The following KAZN variants were observed in gnomAD, a reference collection of about 807,000 sequenced individuals.
KAZN encodes the protein kazrin.
Under a neutral mutation model 87.4 loss-of-function variants are expected in KAZN, and 40 were observed. That is an observed-to-expected ratio of 0.46 (90% confidence interval 0.36 to 0.60). KAZN has a LOEUF of 0.60. Ranked by LOEUF, KAZN falls within the 20% of genes least tolerant of loss-of-function variation. The pLI is 0.00. For synonymous variants in KAZN, 466 were observed against 458.3 expected (o/e 1.02, Z -0.22); for missense variants, 898 against 1,073.9 (o/e 0.84, Z 2.29).
At chr1:14,345,287 A>G (rs1049215856) in intron 2 of KAZN, among the ~76,000 whole-genome samples, 5 of 152,214 alleles carry the variant, frequency 3.3e-5, no homozygotes, top group African/African-American at 1.2e-4. Flanking sequence ...TAGCAGCGTC[A>G]GCATCAGCTG....
intron 1 of KAZN, among the ~76,000 whole-genome samples, chr1:14,622,473 G>A (rs1273849190): frequency 1.1e-4 from 16 of 151,678 alleles, no homozygotes; most frequent in South Asian, 4.2e-4. Context: ...GGCGGATCAC[G>A]AGGTCAGGAG....
intron 2 of KAZN, among the ~76,000 whole-genome samples, chr1:14,289,171 G>A (rs1198644198): frequency 2.6e-5 from 4 of 152,224 alleles, no homozygotes; most frequent in Non-Finnish European, 2.9e-5. Context: ...GATTGGGGTG[G>A]AGAGTTCTGT....
In KAZN at chr1:13,995,072, C is replaced by T. The variant is rs538749016; in HGVS notation, c.91+101316C>T. Reference sequence around the variant, plus strand: ...GCTGACTCAGAGTAGGAGAATATTCCGTTAATCCAACAAAGATCTACAAAA... The same window carrying T: ...GCTGACTCAGAGTAGGAGAATATTCTGTTAATCCAACAAAGATCTACAAAA... On this transcript the variant is annotated intron_variant, in intron 1 of 16. Transcript: ENST00000636203. Among the ~76,000 whole-genome samples, 19 of 151,996 alleles carry T rather than the reference C, an allele frequency of 1.3e-4. No individual in the cohort carries two copies. In the East Asian group the frequency reaches 2.3e-3, roughly 19 times the overall value.
intron 1 of KAZN, among the ~76,000 whole-genome samples, chr1:13,932,727 C>A (rs929483158): frequency 7.9e-5 from 12 of 152,146 alleles, no homozygotes; most frequent in Non-Finnish European, 1.6e-4. Flanking sequence ...CTGGCTTGGG[C>A]CGGAGCTCAC....
At chr1:14,377,001 C>T (rs1220380468) in intron 2 of KAZN, among the ~76,000 whole-genome samples, 2 of 152,166 alleles carry the variant, frequency 1.3e-5, no homozygotes, top group South Asian at 2.1e-4. Context: ...TTCCTATCAG[C>T]CAGACATTTG....
intron 2 of KAZN, among the ~76,000 whole-genome samples, chr1:14,207,421 C>G (rs567566560): frequency 6.6e-6 from 1 of 152,084 alleles, no homozygotes; most frequent in South Asian, 2.1e-4. Context: ...CCTCCCAACC[C>G]GAGCATCATG....
chr1:15,094,825 G>T lies in KAZN; in HGVS notation c.1439G>T (p.Ser480Ile). 1 of 1,550,032 alleles carries T rather than the reference G, an allele frequency of 6.5e-7. No individual in the cohort carries two copies. The highest frequency in any genetic ancestry group is 8.7e-7 in the Non-Finnish European group (1 of 1,146,322). Residue 480 changes from serine (S) to isoleucine (I), a missense_variant, in exon 10 of 15, where the codon AGC (serine) becomes ATC (isoleucine). This residue lies in a region of KAZN where 521 missense variants were observed against 689.4 expected (regional missense o/e 0.76). Coordinates refer to ENST00000376030, the MANE Select transcript of KAZN (RefSeq NM_201628.3). This position sits in a 1 kb window ranked among gnomAD's most constrained non-coding sequence, Gnocchi z 4.5. ...CCCTCCCGGGGGCAGGTGCTGCTGA[G>T]CCTGAGTGACGAGGACCTGCAGCTG... ...ENVKSGKVLL[S>I]LSDEDLQLGL...
intron 1 of KAZN, among the ~76,000 whole-genome samples, chr1:14,849,630 A>G (rs946953355): frequency 2.0e-5 from 3 of 152,198 alleles, no homozygotes; most frequent in African/African-American, 7.2e-5. Flanking sequence ...CTGAATTGGT[A>G]CCTAGCCTTC....
At chr1:14,867,190 A>C (rs1452433777) in intron 1 of KAZN, among the ~76,000 whole-genome samples, 2 of 152,124 alleles carry the variant, frequency 1.3e-5, no homozygotes, top group African/African-American at 4.8e-5. Context: ...CCCTGTGATC[A>C]ATGGAGCGTG....
chr1:14,581,972 T>G (rs1675583624), intron 2 of KAZN, among the ~76,000 whole-genome samples: 1 of 152,136 alleles, frequency 6.6e-6, no homozygotes, highest in Admixed American at 6.5e-5. Flanking sequence ...TACATTTGTA[T>G]GTAGGCATGT....
At chr1:14,732,008 GGTCAGCTGTGGGAA>G (rs1643698209) in intron 1 of KAZN, among the ~76,000 whole-genome samples, 2 of 152,364 alleles carry the variant, frequency 1.3e-5, no homozygotes, top group Non-Finnish European at 2.9e-5. Context: ...GCTGCAGTGA[GGTCAGCTGTGGGAA>G]GTCAGCTGTG....
chr1:14,845,555 G>GTGGGTGGA (rs1314837769), intron 1 of KAZN, among the ~76,000 whole-genome samples: 19 of 140,430 alleles, frequency 1.4e-4, no homozygotes, highest in African/African-American at 5.4e-4. Flanking sequence ...GCATAGATGG[G>GTGGGTGGA]TGGGTGGATG....
chr1:14,438,988 C>G (rs1288869580), intron 2 of KAZN, among the ~76,000 whole-genome samples: 1 of 152,220 alleles, frequency 6.6e-6, no homozygotes, highest in Non-Finnish European at 1.5e-5. Flanking sequence ...TATTGCGTCT[C>G]CATTCTAACA....
intron 1 of KAZN, among the ~76,000 whole-genome samples, chr1:14,000,575 C>T (rs1291578752): frequency 6.6e-6 from 1 of 152,148 alleles, no homozygotes; most frequent in Non-Finnish European, 1.5e-5. Flanking sequence ...CTATTTATGA[C>T]AAACCCACAA....
At chr1:14,749,565 C>G (rs886463112) in intron 1 of KAZN, among the ~76,000 whole-genome samples, 2 of 152,174 alleles carry the variant, frequency 1.3e-5, no homozygotes, top group African/African-American at 4.8e-5. Context: ...AACCATGATG[C>G]AGCTTGCTCC....
In KAZN at chr1:14,259,054, C is replaced by T. The variant is rs575359102; in HGVS notation, c.249+78462C>T. The stretch of plus-strand genomic sequence containing the variant: ...TCTGTCAGGTTATTGACATGTCCAA[C>T]GAGCTGCGGGACAGATGAACAAAGG... On this transcript the variant is annotated intron_variant, in intron 2 of 16. Coordinates refer to the KAZN transcript ENST00000636203. Among the ~76,000 whole-genome samples the T allele has an allele frequency of 2.4e-4, 36 of 152,144 alleles. 1 individual carries two copies. The South Asian group carries it at 7.1e-3, about 30-fold the overall frequency.
At chr1:14,023,881 A>G (rs1640955697) in intron 1 of KAZN, among the ~76,000 whole-genome samples, 1 of 152,172 alleles carries the variant, frequency 6.6e-6, no homozygotes, top group Non-Finnish European at 1.5e-5. Context: ...AGTCTGAGAA[A>G]TCAAGACAGA....
intron 1 of KAZN, among the ~76,000 whole-genome samples, chr1:14,777,147 C>A (rs1387249635): frequency 9.5e-6 from 1 of 105,682 alleles, no homozygotes; most frequent in Non-Finnish European, 1.9e-5. Flanking sequence ...GCCACCACAC[C>A]CAGCTAATTT....
chr1:14,294,764 G>A (rs182198687), intron 2 of KAZN, among the ~76,000 whole-genome samples: 3 of 151,234 alleles, frequency 2.0e-5, no homozygotes, highest in Admixed American at 6.6e-5. Context: ...AAAACCCCAC[G>A]AATTCTATAT....
Sources: gnomAD v4.1 joint callset for allele counts (sites outside exome capture counted in the v4.1 genomes callset) on GRCh38, gnomAD v4.1.1 for gene constraint, gnomAD v4.1.1 regional missense constraint, Gnocchi (gnomAD v3.1) non-coding constraint, MANE v1.5 for transcripts, NCBI Gene and HGNC (gene_info 2026-07-23, HGNC 2026-07-21) for gene names.